Variants in REV3L observed in about 807,000 individuals in gnomAD.
REV3L encodes DNA polymerase zeta catalytic subunit.
A neutral mutation model predicts 299.4 loss-of-function variants in REV3L; 69 were observed. That is an observed-to-expected ratio of 0.23 (90% CI 0.19 to 0.28). The LOEUF is 0.28. REV3L is among the 10% of genes least tolerant of loss of function. The pLI, the probability that REV3L is intolerant of heterozygous loss-of-function variation, is 1.00. For synonymous variants in REV3L, 1,238 were observed against 1,271.4 expected, an observed-to-expected ratio of 0.97 and a Z score of 0.56; for missense variants, 3,128 against 3,693.8, an observed-to-expected ratio of 0.85 and a Z score of 3.97.
In REV3L at chr6:111,373,536, G is replaced by C; in HGVS notation, c.4819C>G (p.Gln1607Glu). 1 of 1,613,306 alleles carries C rather than the reference G, an allele frequency of 6.2e-7. No homozygotes were observed. The highest frequency in any genetic ancestry group is 8.5e-7 in the Non-Finnish European group (1 of 1,179,808). ...KLLKVDSLNL[Q>E]NSSQLDNSVS... is the part of the protein sequence containing the mutation. ...GAGTTATCCAACTGGCTAGAGTTTT[G>C]TAAATTTAAAGAGTCTACTTTGAGA... The change falls in exon 13 of 32, where the codon CAA becomes GAA. Residue 1607 changes from glutamine (Q) to glutamate (E), a missense_variant. Gln to Glu is a conservative substitution (Grantham distance 29). This residue lies in a region of REV3L where 2,409 missense variants were observed against 2,611.8 expected (regional missense o/e 0.92). Transcript: ENST00000368802.
chr6:111,427,994 A>C (rs1024612814), intron 1 of REV3L, among the ~76,000 whole-genome samples: 3 of 152,028 alleles, frequency 2.0e-5, no homozygotes, highest in Admixed American at 6.5e-5. Flanking sequence ...GGTGCTGAAA[A>C]GGAGGCAGCA....
chr6:111,324,171 C>T (rs914109992), intron 25 of REV3L, among the ~76,000 whole-genome samples: 2 of 151,952 alleles, frequency 1.3e-5, no homozygotes, highest in African/African-American at 2.4e-5. Flanking sequence ...AGCTATTTTT[C>T]GTATTTTTAG....
In REV3L at chr6:111,404,275, T is replaced by C. The variant is rs542480908; in HGVS notation, c.565+1195A>G. 2.0e-5 allele frequency among the ~76,000 whole-genome samples: 3 copies of C among 152,308 alleles called. No individual in the cohort carries two copies. The East Asian group carries it at 5.8e-4, about 29-fold the overall frequency. On this transcript the variant is annotated intron_variant, in intron 4 of 31. Transcript: ENST00000368802. ...GGATGACAGTATAACAGTTGCAGCA[T>C]GGTTGACTGAATATTTTAAGCCCAT... is the stretch of plus-strand genomic sequence containing the variant.
rs562810916 is a variant in REV3L at position 111,437,091 on chromosome 6, A to G, written c.140-20619T>C. Among the ~76,000 whole-genome samples the G allele has an allele frequency of 2.0e-5, 3 of 152,344 alleles. No individual in the cohort carries two copies. The South Asian group carries it at 6.2e-4, about 32-fold the overall frequency. ...ACAGCTATAATTAAAAAGTCAGACA[A>G]TAACTAGTGTTGTGGAGAAACTGGA... On this transcript the variant is annotated intron_variant, in intron 1 of 31. Coordinates refer to ENST00000368802, the MANE Select transcript of REV3L (RefSeq NM_001372078.1).
Position 111,331,737 on chromosome 6 carries a change from T to C in REV3L, c.7973A>G (p.Asp2658Gly). ...FGCTSLRVPP[D>G]LLYQVRHDIT... ...ATCATGCCTAACTTGGTAAAGTAAA[T>C]CTGGAGGTACTCTCAGAGAGGTACA... The change falls in exon 24 of 32, where the codon GAT becomes GGT. Residue 2658 changes from aspartate (D) to glycine (G), a missense_variant. By Grantham distance (94) the Asp-to-Gly change is moderately conservative. Transcript: ENST00000368802. 6.2e-7 allele frequency: 1 copy of C among 1,613,462 alleles called. No individual in the cohort carries two copies. Among genetic ancestry groups the C allele is most frequent in the Non-Finnish European group, 8.5e-7 (1 of 1,179,660 alleles).
chr6:111,391,834 T>A (rs1168280227), intron 5 of REV3L, among the ~76,000 whole-genome samples: 3 of 152,178 alleles, frequency 2.0e-5, no homozygotes, highest in Non-Finnish European at 4.4e-5. Flanking sequence ...CAAAAATTTT[T>A]AAAAACTAGC....
At position 111,372,747 on chromosome 6, in the gene REV3L, A is replaced by G; in HGVS notation, c.5608T>C (p.Phe1870Leu). 1.2e-6 allele frequency: 2 copies of G among 1,612,424 alleles called. No individual in the cohort carries two copies. The highest frequency in any genetic ancestry group is 1.7e-6 in the Non-Finnish European group (2 of 1,179,338). ...AGAATGTTAGCAGTTCGAGGGGTGA[A>G]GCTGCCATTTTTAGATTGTGAAGGA... ...SSPSQSKNGS[F>L]TPRTANILKP... Residue 1870 changes from phenylalanine (F) to leucine (L), a missense_variant, in exon 13 of 32, where the codon TTC becomes CTC. This residue lies in a region of REV3L where 2,409 missense variants were observed against 2,611.8 expected (regional missense o/e 0.92). Coordinates refer to ENST00000368802, the MANE Select transcript of REV3L (RefSeq NM_001372078.1).
chr6:111,475,739 CTTTG>C (rs1327277363), intron 1 of REV3L, among the ~76,000 whole-genome samples: 4 of 152,108 alleles, frequency 2.6e-5, no homozygotes, highest in East Asian at 3.9e-4. Context: ...TCTCTTTTAA[CTTTG>C]TTTGATTTTT....
At chr6:111,329,777 A>G in intron 24 of REV3L, 39 bp from the exon 25 acceptor site, 1 of 1,445,590 alleles carries the variant, frequency 6.9e-7, no homozygotes, top group Non-Finnish European at 9.6e-7. Context: ...CCCCTCAAAC[A>G]TTATAGATTT....
At chr6:111,465,604 G>C (rs185772769) in intron 1 of REV3L, among the ~76,000 whole-genome samples, 1 of 151,204 alleles carries the variant, frequency 6.6e-6, no homozygotes, top group Non-Finnish European at 1.5e-5. Context: ...ATGGTGGTAC[G>C]CGCCTGTAAT....
At chr6:111,440,859 C>G (rs1452253805) in intron 1 of REV3L, among the ~76,000 whole-genome samples, 2 of 152,218 alleles carry the variant, frequency 1.3e-5, no homozygotes, top group Non-Finnish European at 2.9e-5. Flanking sequence ...GATAATTTCA[C>G]TGCACACAGA....
intron 1 of REV3L, among the ~76,000 whole-genome samples, chr6:111,417,065 T>C (rs1400395578): frequency 3.3e-5 from 5 of 151,828 alleles, no homozygotes; most frequent in Non-Finnish European, 7.4e-5. Context: ...ATCAATTATC[T>C]ATAATGGATT....
chr6:111,419,937 C>G (rs192865437), intron 1 of REV3L, among the ~76,000 whole-genome samples: 43 of 152,222 alleles, frequency 2.8e-4, no homozygotes, highest in Non-Finnish European at 5.6e-4. Context: ...CTCCACCTCC[C>G]GGGCTCACGC....
chr6:111,397,667 T>C (rs926898770), intron 4 of REV3L, among the ~76,000 whole-genome samples: 1 of 152,112 alleles, frequency 6.6e-6, no homozygotes, highest in Non-Finnish European at 1.5e-5. Context: ...AGACAGTGTC[T>C]TGTTCTGTCA....
intron 1 of REV3L, among the ~76,000 whole-genome samples, chr6:111,426,719 T>C (rs548619119): frequency 1.3e-4 from 20 of 152,362 alleles, no homozygotes; most frequent in Admixed American, 4.6e-4. Context: ...ATTATTGTTA[T>C]AGAAAGTAAA....
intron 1 of REV3L, among the ~76,000 whole-genome samples, chr6:111,456,491 C>A (rs1790174677): frequency 1.3e-5 from 2 of 152,162 alleles, no homozygotes; most frequent in Non-Finnish European, 2.9e-5. Flanking sequence ...TGGCTGTTCT[C>A]CAATATCAAC....
chr6:111,317,748 G>C lies in REV3L; in HGVS notation c.8352-2367C>G, dbSNP rs1773691229. ...TGGAGGCTGAAGTGGAGGACTGCTTGAGGCCAGGAGTTTGAGATGGCCTGG... is the reference window on the plus strand; with the variant it reads ...TGGAGGCTGAAGTGGAGGACTGCTTCAGGCCAGGAGTTTGAGATGGCCTGG... On this transcript the variant is annotated intron_variant, in intron 26 of 31. Coordinates refer to ENST00000368802, the MANE Select transcript of REV3L (RefSeq NM_001372078.1). Among the ~76,000 whole-genome samples the C allele has an allele frequency of 2.6e-5, 4 of 152,188 alleles. 1 individual carries two copies. In the South Asian group the frequency reaches 8.3e-4, roughly 31 times the overall value.
At chr6:111,339,332 A>G (rs1321097559) in intron 21 of REV3L, among the ~76,000 whole-genome samples, 1 of 152,186 alleles carries the variant, frequency 6.6e-6, no homozygotes, top group Non-Finnish European at 1.5e-5. Context: ...ATCCTAGTTT[A>G]CAAACCTAGT....
intron 1 of REV3L, among the ~76,000 whole-genome samples, chr6:111,439,438 G>C (rs1247062517): frequency 1.3e-5 from 2 of 152,168 alleles, no homozygotes; most frequent in Non-Finnish European, 2.9e-5. Flanking sequence ...AACCAATTGA[G>C]AGCAATCATC....
Sources: allele counts gnomAD v4.1 joint callset (sites outside exome capture counted in the v4.1 genomes callset), GRCh38; gene constraint gnomAD v4.1.1; regional missense constraint gnomAD v4.1.1; transcripts MANE v1.5; gene names NCBI Gene and HGNC (gene_info 2026-07-23, HGNC 2026-07-21).